BLTP1: variants seen among roughly 807,000 people sequenced by gnomAD.
BLTP1 encodes bridge-like lipid transfer protein family member 1, also known as fragile site-associated protein.
chr4:122,179,741 G>T, the BLTP1 span: 1 of 638,638 alleles, frequency 1.6e-6, no homozygotes, highest in Non-Finnish European at 1.9e-6. Flanking sequence ...TATGTACAGA[G>T]AAACATTTTC....
the BLTP1 span, chr4:122,250,717 C>G: frequency 1.1e-6 from 1 of 870,794 alleles, no homozygotes; most frequent in Non-Finnish European, 1.7e-6. Flanking sequence ...AAATGTTAGT[C>G]AAAGTGTGTT....
the BLTP1 span, chr4:122,199,208 C>G: frequency 2.1e-6 from 2 of 974,270 alleles, no homozygotes; most frequent in South Asian, 2.1e-5. Flanking sequence ...ATTAAGTTAG[C>G]AAGCTCCCTG....
At chr4:122,183,716 G>A in the BLTP1 span, among the ~76,000 whole-genome samples, 2 of 152,008 alleles carry the variant, frequency 1.3e-5, no homozygotes, top group African/African-American at 2.4e-5. Context: ...GTTGATGAGG[G>A]GTTTTGAGAA....
the BLTP1 span, chr4:122,214,090 G>A: frequency 2.3e-6 from 1 of 427,234 alleles, no homozygotes; most frequent in East Asian, 1.6e-4. Context: ...TATAATTTTG[G>A]AAACAGTACT....
the BLTP1 span, chr4:122,194,438 A>C: frequency 1.8e-6 from 1 of 543,670 alleles, no homozygotes; most frequent in Non-Finnish European, 2.3e-6. Context: ...TATTGGATTT[A>C]AATTTTCCTC....
the BLTP1 span, among the ~76,000 whole-genome samples, chr4:122,338,238 T>C: frequency 6.6e-6 from 1 of 151,578 alleles, no homozygotes; most frequent in Non-Finnish European, 1.5e-5. Context: ...CACTTGAGCC[T>C]GGTAGATCAC....
chr4:122,246,989 C>T, the BLTP1 span: 1 of 859,988 alleles, frequency 1.2e-6, no homozygotes, highest in Admixed American at 6.2e-5. Flanking sequence ...AAAATTTTTA[C>T]TGTTTCTATT....
At chr4:122,173,809 A>G in the BLTP1 span, among the ~76,000 whole-genome samples, 2 of 152,094 alleles carry the variant, frequency 1.3e-5, no homozygotes, top group Non-Finnish European at 2.9e-5. Context: ...TTAACTTATA[A>G]AAGATGCTCA....
chr4:122,269,764 G>A, the BLTP1 span: 371 of 808,244 alleles, frequency 4.6e-4, no homozygotes, highest in Non-Finnish European at 5.3e-4. Flanking sequence ...TTAGCATTGA[G>A]TCTGGCATGT....
At chr4:122,231,850 A>G in the BLTP1 span, 1 of 963,418 alleles carries the variant, frequency 1.0e-6, no homozygotes, top group Non-Finnish European at 1.2e-6. Flanking sequence ...TTCTGGTTAA[A>G]AAAAGAAAAT....
chr4:122,222,250 T>C, the BLTP1 span, among the ~76,000 whole-genome samples: 1 of 152,176 alleles, frequency 6.6e-6, no homozygotes, highest in Non-Finnish European at 1.5e-5. Flanking sequence ...TACTATCTAA[T>C]GTTCTTTCAC....
the BLTP1 span, chr4:122,220,611 T>C: frequency 1.5e-6 from 1 of 682,780 alleles, no homozygotes; most frequent in African/African-American, 1.9e-5. Context: ...TTAAGAAGTT[T>C]TGTATGTATG....
At chr4:122,257,294 T>C in the BLTP1 span, 4 of 1,613,706 alleles carry the variant, frequency 2.5e-6, no homozygotes, top group African/African-American at 2.7e-5. Flanking sequence ...GAAGAAAGGT[T>C]TAGTTGCACT....
chr4:122,245,298 A>G, the BLTP1 span, among the ~76,000 whole-genome samples: 1 of 152,216 alleles, frequency 6.6e-6, no homozygotes, highest in Non-Finnish European at 1.5e-5. Context: ...GATAGGACAT[A>G]TAACTGTACT....
At chr4:122,311,007 TG>T in the BLTP1 span, 4 of 525,682 alleles carry the variant, frequency 7.6e-6, no homozygotes, top group East Asian at 1.5e-4. Flanking sequence ...ACATATCTTT[TG>T]TTTTTTTAAT....
the BLTP1 span, chr4:122,349,740 C>T: frequency 2.6e-5 from 40 of 1,535,190 alleles, no homozygotes; most frequent in Non-Finnish European, 3.4e-5. This position sits in a 1 kb window ranked among gnomAD's most constrained non-coding sequence, Gnocchi z 4.5. Flanking sequence ...TTACAAAACT[C>T]TTATTTATTA....
chr4:122,254,842 G>A, the BLTP1 span: 1 of 1,606,584 alleles, frequency 6.2e-7, no homozygotes, highest in Non-Finnish European at 8.5e-7. Context: ...ACCAGCTGTT[G>A]GTGCATGGCT....
At chr4:122,167,906 A>G in the BLTP1 span, 26 of 985,226 alleles carry the variant, frequency 2.6e-5, no homozygotes, top group Non-Finnish European at 3.0e-5. Flanking sequence ...CGTTTGCTCC[A>G]TGAAGATTTT....
the BLTP1 span, chr4:122,187,657 A>G: frequency 1.1e-6 from 1 of 895,132 alleles, no homozygotes; most frequent in Non-Finnish European, 1.6e-6. Context: ...TGAGTGAAAT[A>G]ATTATTTTAA....
Sources: allele counts gnomAD v4.1 joint callset (sites outside exome capture counted in the v4.1 genomes callset), GRCh38; gene constraint gnomAD v4.1.1; non-coding constraint Gnocchi (gnomAD v3.1); transcripts MANE v1.5; gene names NCBI Gene and HGNC (gene_info 2026-07-23, HGNC 2026-07-21).